CASK: variants seen among roughly 807,000 people sequenced by gnomAD.
CASK encodes peripheral plasma membrane protein CASK.
CASK carries 4 observed loss-of-function variants against 82.9 expected under a neutral mutation model. The observed-to-expected ratio is 0.05, with a 90% CI of 0.02 to 0.11. CASK has a LOEUF of 0.11. CASK is among the 10% of genes least tolerant of loss of function. The pLI, the probability that CASK is intolerant of heterozygous loss-of-function variation, is 1.00. For synonymous variants in CASK, 259 were observed against 253.5 expected (o/e 1.02, Z -0.20); for missense variants, 358 against 720.9 (o/e 0.50, Z 5.76).
rs1465292422 is a variant in CASK, at chrX:41,691,403, G to A, written c.430-19873C>T. Among the ~76,000 whole-genome samples the A allele has an allele frequency of 5.4e-5, 6 of 111,916 alleles. No homozygotes were observed. The Admixed American group carries it at 5.7e-4, about 11-fold the overall frequency. ...GATGGCATAACCTGTTCTTAAAATTGTTAAAGTGTATGTTAAAGGAATCAT... is the reference window on the plus strand; with the variant it reads ...GATGGCATAACCTGTTCTTAAAATTATTAAAGTGTATGTTAAAGGAATCAT... On this transcript the variant is annotated intron_variant, in intron 5 of 26. Coordinates refer to ENST00000378163, the MANE Select transcript of CASK (RefSeq NM_001367721.1).
intron 5 of CASK, among the ~76,000 whole-genome samples, chrX:41,718,464 C>T (rs2068101586): frequency 9.0e-6 from 1 of 111,607 alleles, no homozygotes; most frequent in African/African-American, 3.3e-5. Context: ...AGCCTTCAAC[C>T]TGTGGGATCT....
At chrX:41,553,944 T>C in intron 20 of CASK, 29 bp from the exon 21 acceptor site, 2 of 1,053,153 alleles carry the variant, frequency 1.9e-6, no homozygotes, top group Non-Finnish European at 2.7e-6. Context: ...TAAGAAAGGA[T>C]GCCATAGTGA....
At chrX:41,816,777 T>C (rs2070422738) in intron 2 of CASK, among the ~76,000 whole-genome samples, 1 of 111,676 alleles carries the variant, frequency 9.0e-6, no homozygotes, top group African/African-American at 3.2e-5. Flanking sequence ...ACAAATTTCA[T>C]GAAAGAAACA....
chrX:41,837,370 G>A (rs7065460), intron 2 of CASK, among the ~76,000 whole-genome samples: 1,504 of 110,770 alleles, frequency 0.014, 22 homozygotes, highest in African/African-American at 0.041. Flanking sequence ...CAATTTTATC[G>A]CCATGTGTAA....
chrX:41,658,209 G>A (rs956021818), intron 8 of CASK, among the ~76,000 whole-genome samples: 3 of 111,533 alleles, frequency 2.7e-5, no homozygotes, highest in Non-Finnish European at 5.6e-5. Context: ...GTAACAAACC[G>A]GTAAACATAA....
chrX:41,739,233 A>G lies in CASK; in HGVS notation c.429+151T>C, dbSNP rs1186919680. The G allele has an allele frequency of 9.1e-6, 4 of 437,658 alleles. No individual in the cohort carries two copies. The East Asian group carries it at 1.6e-4, about 17-fold the overall frequency. 36.1% of individuals were successfully genotyped at this position (437,658 alleles called of 1,213,427 possible). On this transcript the variant is annotated intron_variant, in intron 5 of 26. Transcript: ENST00000378163. The stretch of plus-strand genomic sequence containing the variant: ...GTTCCTAGTAAGAATTAGTACAATG[A>G]CTTCCCAAATACAAAGCAGTTAAAT...
At chrX:41,694,268 T>C (rs755683833) in intron 5 of CASK, among the ~76,000 whole-genome samples, 7 of 112,602 alleles carry the variant, frequency 6.2e-5, no homozygotes, top group Non-Finnish European at 1.1e-4. Context: ...TTAAGTTATT[T>C]GCCCTTGGTC....
At chrX:41,895,207 A>G (rs756256043) in intron 1 of CASK, among the ~76,000 whole-genome samples, 39 of 112,012 alleles carry the variant, frequency 3.5e-4, no homozygotes, top group Non-Finnish European at 7.0e-4. Context: ...AAATCAAGAA[A>G]GAATGATCCA....
At chrX:41,849,751 AT>A (rs1174798655) in intron 2 of CASK, among the ~76,000 whole-genome samples, 1 of 112,544 alleles carries the variant, frequency 8.9e-6, no homozygotes, top group Non-Finnish European at 1.9e-5. Context: ...ATATTCAAAA[AT>A]ATCTCATCTG....
At chrX:41,578,307 T>C (rs750105754) in intron 15 of CASK, 33 bp downstream of exon 15, 25 of 1,053,648 alleles carry the variant, frequency 2.4e-5, no homozygotes, top group Admixed American at 4.4e-5. Context: ...TGGGATCTTA[T>C]GAGAGTATTG....
intron 1 of CASK, among the ~76,000 whole-genome samples, chrX:41,879,456 C>T (rs965765185): frequency 9.0e-6 from 1 of 111,344 alleles, no homozygotes; most frequent in African/African-American, 3.3e-5. Flanking sequence ...TAATAAGTTA[C>T]AAAAATGTGG....
chrX:41,767,035 T>C (rs2069128573), intron 3 of CASK, among the ~76,000 whole-genome samples: 1 of 112,388 alleles, frequency 8.9e-6, no homozygotes, highest in Admixed American at 9.4e-5. Flanking sequence ...TAAAAATCTG[T>C]AATTGCTACT....
intron 6 of CASK, among the ~76,000 whole-genome samples, chrX:41,666,971 A>G (rs948015282): frequency 2.7e-5 from 3 of 110,840 alleles, no homozygotes; most frequent in African/African-American, 9.9e-5. Flanking sequence ...GTATCATTCA[A>G]TTGGTACCAG....
At chrX:41,724,021 T>C (rs1024256504) in intron 5 of CASK, 1 of 112,301 alleles carries the variant, frequency 8.9e-6, no homozygotes, top group Non-Finnish European at 1.9e-5. Context: ...AAGTATAATA[T>C]GTATATTGTT....
At position 41,586,901 on chromosome X, in the gene CASK, A is replaced by T. The variant is rs2065665536; in HGVS notation, c.1314+6T>A. Reference sequence around the variant, plus strand: ...TCAGTTCTATGGAAGTTTAATTATTACTTACCATGAAATGAGGTTGTGTTA... The same window carrying T: ...TCAGTTCTATGGAAGTTTAATTATTTCTTACCATGAAATGAGGTTGTGTTA... On this transcript the variant is annotated splice_donor_region_variant and intron_variant, in intron 14 of 26. Transcript: ENST00000378163. 2 of 1,103,263 alleles carry T rather than the reference A, an allele frequency of 1.8e-6. No homozygotes were observed. The highest frequency in any genetic ancestry group is 2.2e-5 in the Admixed American group (1 of 45,554). The allele number at this position is 1,103,263 out of a possible 1,213,427, so 90.9% of individuals were successfully genotyped here. A position where few individuals can be genotyped will look rare whatever the true frequency, so the allele number is the denominator to read the frequency against.
intron 11 of CASK, among the ~76,000 whole-genome samples, chrX:41,621,552 C>T (rs377181120): frequency 1.8e-5 from 2 of 111,531 alleles, no homozygotes; most frequent in Non-Finnish European, 3.8e-5. Flanking sequence ...TTGTGCCTTC[C>T]GGTGAGATAG....
rs1368253962 is a variant in CASK, at chrX:41,542,786, A to G, written c.2060T>C (p.Met687Thr). Residue 687 changes from methionine to threonine, a missense_variant, in exon 22 of 27, where the codon ATG (methionine) becomes ACG (threonine). By Grantham distance (81) the Met-to-Thr change is moderately conservative (BLOSUM62 -1). Around this residue, in one of 5 missense-constraint regions of CASK, gnomAD observed 19 missense variants for 64.8 expected, o/e 0.29. Coordinates refer to ENST00000378163, the MANE Select transcript of CASK (RefSeq NM_001367721.1). ...LQEWRVACIAMEKTKQEQQAS... is the reference protein window; with the variant it reads ...LQEWRVACIATEKTKQEQQAS... ...CTGCTGCTCCTGTTTGGTCTTCTCCATGGCAATGCAAGCTACTCGCCTAGC... is the reference window on the plus strand; with the variant it reads ...CTGCTGCTCCTGTTTGGTCTTCTCCGTGGCAATGCAAGCTACTCGCCTAGC... 2 of 1,187,098 alleles carry G rather than the reference A, an allele frequency of 1.7e-6. No homozygotes were observed. The highest frequency in any genetic ancestry group is 2.2e-5 in the Admixed American group (1 of 45,967).
At chrX:41,891,727 A>C (rs1421619415) in intron 1 of CASK, among the ~76,000 whole-genome samples, 1 of 112,003 alleles carries the variant, frequency 8.9e-6, no homozygotes, top group Non-Finnish European at 1.9e-5. Context: ...TTAAAAATAT[A>C]TAAAAGACAA....
rs146605352 is a variant in CASK, at chrX:41,707,307, C to T, written c.429+32077G>A. Among the ~76,000 whole-genome samples, 939 of 112,175 alleles carry T rather than the reference C, an allele frequency of 8.4e-3. 2 individuals are homozygous for T. Among genetic ancestry groups the T allele is most frequent in the Middle Eastern group, 0.018 (4 of 218 alleles). ...TGTAAAGAAGCCCAGGATGAAAGAT[C>T]ACATGGAGAGAGGGGCACAGCCTGC... On this transcript the variant is annotated intron_variant, in intron 5 of 26. Transcript: ENST00000378163.
Sources: allele counts gnomAD v4.1 joint callset (sites outside exome capture counted in the v4.1 genomes callset), GRCh38; gene constraint gnomAD v4.1.1; regional missense constraint gnomAD v4.1.1; transcripts MANE v1.5; gene names NCBI Gene and HGNC (gene_info 2026-07-23, HGNC 2026-07-21).